Variants in AXDND1 observed in about 807,000 individuals in gnomAD.
AXDND1 encodes the protein axonemal dynein light chain domain containing 1, also known as axonemal dynein light chain domain-containing protein 1.
A neutral mutation model predicts 137.5 loss-of-function variants in AXDND1; 110 were observed. That is an observed-to-expected ratio of 0.80 (90% CI 0.69 to 0.94). The LOEUF is 0.94. Among genes scored for constraint, AXDND1 ranks in the 40% least tolerant of loss-of-function variants. The pLI is 0.00. For synonymous variants in AXDND1, 414 were observed against 399.7 expected (o/e 1.04, Z -0.43); for missense variants, 1,191 against 1,169.8 (o/e 1.02, Z -0.26).
chr1:179,369,943 C>G (rs773595641), intron 3 of AXDND1, 32 bp from the exon 4 acceptor site: 1 of 1,513,584 alleles, frequency 6.6e-7, no homozygotes, highest in Non-Finnish European at 9.2e-7. Flanking sequence ...TCGCCCTCTG[C>G]TGGATATTCA....
intron 15 of AXDND1, among the ~76,000 whole-genome samples, chr1:179,439,080 C>T (rs182185302): frequency 1.3e-5 from 2 of 152,276 alleles, no homozygotes. Context: ...TTCTGATTTT[C>T]ATCTTTTCCA....
intron 2 of AXDND1, among the ~76,000 whole-genome samples, chr1:179,368,075 TAGAA>T (rs1667646557): frequency 6.8e-6 from 1 of 147,864 alleles, no homozygotes; most frequent in African/African-American, 2.6e-5. Context: ...TACCTCCTTA[TAGAA>T]ATAAACATAA....
chr1:179,491,643 A>G lies in AXDND1; in HGVS notation c.2197A>G (p.Ser733Gly), dbSNP rs192006829. ...CTGTCTCCTAAAGTTGGAGGAGGAAAGTGCTGAGAAACATGATATAGGAGT... is the reference window on the plus strand; with the variant it reads ...CTGTCTCCTAAAGTTGGAGGAGGAAGGTGCTGAGAAACATGATATAGGAGT... The part of the protein sequence containing the change: ...QDCLLKLEEE[S>G]AEKHDIGVAR... The change falls in exon 19 of 26, where the codon AGT (serine) becomes GGT (glycine). Residue 733 changes from serine (S) to glycine (G), a missense_variant. By Grantham distance (56) the Ser-to-Gly change is moderately conservative. Coordinates refer to ENST00000367618, the MANE Select transcript of AXDND1 (RefSeq NM_144696.6). The G allele has an allele frequency of 1.3e-5, 21 of 1,613,844 alleles. No individual in the cohort carries two copies. Among genetic ancestry groups the G allele is most frequent in the Non-Finnish European group, 4.2e-6 (5 of 1,179,910 alleles).
chr1:179,465,748 CT>C (rs1663057158), intron 16 of AXDND1, among the ~76,000 whole-genome samples: 1 of 152,226 alleles, frequency 6.6e-6, no homozygotes, highest in Admixed American at 6.5e-5. Context: ...GGTGGGCCTC[CT>C]TGAGCTGTGG....
chr1:179,452,035 A>G (rs1660616618), intron 16 of AXDND1: 1 of 152,484 alleles, frequency 6.6e-6, no homozygotes, highest in South Asian at 2.1e-4. Context: ...AGACAGGAAA[A>G]TGTGGGAAAG....
At chr1:179,534,319 A>G (rs1034060376) in intron 24 of AXDND1, among the ~76,000 whole-genome samples, 3 of 152,226 alleles carry the variant, frequency 2.0e-5, no homozygotes, top group African/African-American at 7.2e-5. Context: ...TAAGAAGCAC[A>G]TCTCAAGCTG....
In AXDND1 at chr1:179,551,358, A is replaced by G. The variant is rs571452152; in HGVS notation, c.3032-3154A>G. On this transcript the variant is annotated intron_variant, in intron 25 of 25. Coordinates refer to ENST00000367618, the MANE Select transcript of AXDND1 (RefSeq NM_144696.6). The stretch of plus-strand genomic sequence containing the variant: ...GACAGAGACTGAAGGGTGTGGAGGT[A>G]TCGAAGCTGAACGGCAGCAGGGGTG... 3.1e-6 allele frequency: 5 copies of G among 1,614,146 alleles called. No individual in the cohort carries two copies. The African/African-American group carries it at 5.3e-5, about 17-fold the overall frequency.
chr1:179,415,816 T>C (rs1445380028), intron 12 of AXDND1, among the ~76,000 whole-genome samples: 1 of 152,158 alleles, frequency 6.6e-6, no homozygotes, highest in Non-Finnish European at 1.5e-5. Context: ...GCCATTCTCC[T>C]GCCTCAGCCT....
intron 16 of AXDND1, among the ~76,000 whole-genome samples, chr1:179,464,677 G>T (rs1662869245): frequency 6.6e-6 from 1 of 152,074 alleles, no homozygotes; most frequent in Non-Finnish European, 1.5e-5. Context: ...GCTAGGTTGG[G>T]GAAGTTCTCC....
intron 16 of AXDND1, among the ~76,000 whole-genome samples, chr1:179,460,274 T>C (rs1571929768): frequency 6.6e-6 from 1 of 152,058 alleles, no homozygotes; most frequent in East Asian, 1.9e-4. Context: ...TTCTCACATA[T>C]GAGTGAGAAG....
intron 17 of AXDND1, among the ~76,000 whole-genome samples, chr1:179,480,281 T>C (rs6672930): frequency 0.46 from 69,479 of 152,108 alleles, 16,763 homozygotes; most frequent in East Asian, 0.76. Flanking sequence ...GGAGGCCTCA[T>C]AATCCTGGTG....
At chr1:179,467,746 T>C (rs1663400299) in intron 16 of AXDND1, among the ~76,000 whole-genome samples, 1 of 152,188 alleles carries the variant, frequency 6.6e-6, no homozygotes, top group South Asian at 2.1e-4. Context: ...TGAATATTCC[T>C]AAAAGATCAA....
chr1:179,369,309 C>T (rs1667790433), intron 3 of AXDND1, among the ~76,000 whole-genome samples: 1 of 152,132 alleles, frequency 6.6e-6, no homozygotes, highest in Non-Finnish European at 1.5e-5. Context: ...AATTCCTGGG[C>T]TCAAGCAATC....
Position 179,478,544 on chromosome 1 carries a change from G to C in AXDND1, c.1998-4584G>C, listed in dbSNP as rs1053406313. On this transcript the variant is annotated intron_variant, in intron 17 of 25. Transcript: ENST00000367618. ...TGGAGCAGCTGGGATGCAGGGCACAGCAGAGGGACCCTGGGCCTGGCCCAT... is the reference window on the plus strand; with the variant it reads ...TGGAGCAGCTGGGATGCAGGGCACACCAGAGGGACCCTGGGCCTGGCCCAT... 7.9e-5 allele frequency among the ~76,000 whole-genome samples: 12 copies of C among 152,096 alleles called. No homozygotes were observed. The South Asian group carries it at 8.3e-4, about 11-fold the overall frequency.
chr1:179,523,083 C>A (rs1294194758), intron 21 of AXDND1, among the ~76,000 whole-genome samples: 1 of 151,830 alleles, frequency 6.6e-6, no homozygotes, highest in East Asian at 1.9e-4. Flanking sequence ...CTTCTTTCTT[C>A]TCTTTTGGCT....
At chr1:179,443,480 A>G (rs1659298774) in intron 15 of AXDND1, among the ~76,000 whole-genome samples, 1 of 152,150 alleles carries the variant, frequency 6.6e-6, no homozygotes, top group Non-Finnish European at 1.5e-5. Context: ...TTGTTGTACA[A>G]CCATCACCAC....
chr1:179,433,910 T>C (rs560167620), intron 15 of AXDND1, among the ~76,000 whole-genome samples: 18 of 152,274 alleles, frequency 1.2e-4, no homozygotes, highest in African/African-American at 3.6e-4. Context: ...GAAATATCCT[T>C]GTTAATTTTC....
At chr1:179,408,014 A>G (rs1653249887) in intron 11 of AXDND1, among the ~76,000 whole-genome samples, 1 of 152,184 alleles carries the variant, frequency 6.6e-6, no homozygotes, top group Non-Finnish European at 1.5e-5. Flanking sequence ...TCAAGGTCAG[A>G]AGAAATTCCT....
chr1:179,456,511 G>A, intron 16 of AXDND1: 1 of 772,552 alleles, frequency 1.3e-6, no homozygotes, highest in South Asian at 1.3e-5. Flanking sequence ...CCACTGCCCT[G>A]GCTTCCATAA....
Sources: allele counts gnomAD v4.1 joint callset (sites outside exome capture counted in the v4.1 genomes callset), GRCh38; gene constraint gnomAD v4.1.1; transcripts MANE v1.5; gene names NCBI Gene and HGNC (gene_info 2026-07-23, HGNC 2026-07-21).